The following USP37 variants were observed in gnomAD, a reference collection of about 807,000 sequenced individuals.
USP37 encodes ubiquitin specific peptidase 37.
Under a neutral mutation model 124.0 loss-of-function variants are expected in USP37, and 27 were observed. The observed-to-expected ratio is 0.22, with a 90% CI of 0.16 to 0.30. USP37 has a LOEUF of 0.30. USP37 is among the 10% of genes least tolerant of loss of function. USP37 has a pLI of 1.00. For missense variants in USP37, 889 were observed against 1,140.4 expected, an observed-to-expected ratio of 0.78 and a Z score of 3.17; for synonymous variants, 365 against 388.0, an observed-to-expected ratio of 0.94 and a Z score of 0.70.
rs749987768 is a variant in USP37 at position 218,498,192 on chromosome 2, C to T, written c.1026-35G>A. 9.0e-6 allele frequency: 14 copies of T among 1,552,946 alleles called. No homozygotes were observed. In the African/African-American group the frequency reaches 1.1e-4, roughly 12 times the overall value. ...AAAGAAATAGTGCTTTAGAAGGCAA[C>T]AGGAATTCCTAAAGTATGTTCAGTA... On this transcript the variant is annotated intron_variant, in intron 11 of 25. Coordinates refer to ENST00000258399, the MANE Select transcript of USP37 (RefSeq NM_020935.3).
chr2:218,514,978 G>A (rs1361553361), intron 10 of USP37, among the ~76,000 whole-genome samples: 1 of 152,086 alleles, frequency 6.6e-6, no homozygotes, highest in East Asian at 1.9e-4. Context: ...GTTGGCTCCT[G>A]TGTCTTTCGG....
At chr2:218,537,466 C>T (rs910456274) in intron 8 of USP37, among the ~76,000 whole-genome samples, 2 of 152,208 alleles carry the variant, frequency 1.3e-5, no homozygotes, top group Non-Finnish European at 2.9e-5. Flanking sequence ...AAACTCTAGC[C>T]AAACCATCTA....
chr2:218,551,595 T>C (rs912145598), intron 5 of USP37, among the ~76,000 whole-genome samples: 8 of 152,264 alleles, frequency 5.3e-5, no homozygotes, highest in Non-Finnish European at 1.2e-4. Context: ...TTTTTCATTA[T>C]GCTATGTTGT....
chr2:218,528,803 GAAAAAAAAAAAAAAAAAA>G (rs58650311), intron 10 of USP37: 498 of 29,680 alleles, frequency 0.017, 3 homozygotes, highest in Middle Eastern at 0.058. Flanking sequence ...CAATAAATCT[GAAAAAAAAAAAAAAAAAA>G]AAAAAAAAAA....
In USP37 at chr2:218,459,815, G is replaced by A. The variant is rs1689908201; in HGVS notation, c.2618C>T (p.Ala873Val). 1.2e-6 allele frequency: 2 copies of A among 1,613,666 alleles called. No individual in the cohort carries two copies. The change falls in exon 23 of 26, where the codon GCT (alanine) becomes GTT (valine). Residue 873 changes from alanine to valine, a missense_variant. Transcript: ENST00000258399. The stretch of plus-strand genomic sequence containing the variant: ...CTCAGCATTTCTTTTCAGTTCCTCA[G>A]CTTCAGCTTCTGTGTACTCCATATC... ...VFDMEYTEAE[A>V]EELKRNAETG...
chr2:218,479,627 G>A, intron 18 of USP37, 23 bp downstream of exon 18: 1 of 1,604,798 alleles, frequency 6.2e-7, no homozygotes, highest in Non-Finnish European at 8.5e-7. Context: ...ACAGATTTTG[G>A]GTACATAAGA....
chr2:218,453,274 T>C lies in USP37; in HGVS notation c.*1656A>G, dbSNP rs1559154783. On this transcript the variant is annotated 3_prime_UTR_variant, in exon 26 of 26. Coordinates refer to ENST00000258399, the MANE Select transcript of USP37 (RefSeq NM_020935.3). ...TTTTTTTTGTTTTTGTTTTCGTTTT[T>C]TTTAATGAGATGGAGTCTCACTCTG... is the stretch of plus-strand genomic sequence containing the variant. The C allele has an allele frequency of 6.6e-6, 1 of 152,006 alleles. No homozygotes were observed. The highest frequency in any genetic ancestry group is 6.6e-5 in the Admixed American group (1 of 15,248). 9.4% of individuals were successfully genotyped at this position (152,006 alleles called of 1,614,324 possible).
At chr2:218,548,709 T>C (rs1692509995) in intron 6 of USP37, among the ~76,000 whole-genome samples, 1 of 135,026 alleles carries the variant, frequency 7.4e-6, no homozygotes, top group Non-Finnish European at 1.6e-5. Flanking sequence ...AAATAAAAGT[T>C]TGAAAAATCA....
At chr2:218,526,875 G>A (rs1186978001) in intron 10 of USP37, among the ~76,000 whole-genome samples, 1 of 135,596 alleles carries the variant, frequency 7.4e-6, no homozygotes, top group African/African-American at 2.8e-5. Flanking sequence ...TGCAAGCTCC[G>A]CCTCCCGGGT....
chr2:218,513,895 T>C (rs1690135836), intron 10 of USP37, among the ~76,000 whole-genome samples: 1 of 152,190 alleles, frequency 6.6e-6, no homozygotes, highest in African/African-American at 2.4e-5. Context: ...CGGCAACCTC[T>C]GCCTCCCAGG....
chr2:218,556,503 GTTTTTTTTTTTTTT>G (rs34907421), intron 4 of USP37, among the ~76,000 whole-genome samples: 2 of 53,806 alleles, frequency 3.7e-5, no homozygotes, highest in East Asian at 7.2e-4. Flanking sequence ...GGGTTTTTCT[GTTTTTTTTTTTTTT>G]TTTTTTTTTT....
chr2:218,450,481 T>A lies in USP37; in HGVS notation c.*4449A>T, dbSNP rs1461246690. 6.6e-6 allele frequency: 1 copy of A among 152,602 alleles called. No homozygotes were observed. The highest frequency in any genetic ancestry group is 1.5e-5 in the Non-Finnish European group (1 of 68,034). 9.5% of individuals were successfully genotyped at this position (152,602 alleles called of 1,614,324 possible). On this transcript the variant is annotated 3_prime_UTR_variant, in exon 26 of 26. Coordinates refer to ENST00000258399, the MANE Select transcript of USP37 (RefSeq NM_020935.3). ...ATGTGGCCACAGCTGCCAGAAAACC[T>A]GGTAGTGGCTCAATTAGGCAAAGTG...
In USP37 at chr2:218,488,111, G is replaced by C. The variant is rs533376359; in HGVS notation, c.1590+193C>G. Among the ~76,000 whole-genome samples the C allele has an allele frequency of 2.1e-4, 31 of 148,534 alleles. No homozygotes were observed. The East Asian group carries it at 4.6e-3, about 22-fold the overall frequency. On this transcript the variant is annotated intron_variant, in intron 15 of 25. Coordinates refer to ENST00000258399, the MANE Select transcript of USP37 (RefSeq NM_020935.3). Reference sequence around the variant, plus strand: ...AGGACCGCTTGAAACTGGGGGCAGAGGTTGCAGTGAGCTGAGATTGTGCAA... The same window carrying C: ...AGGACCGCTTGAAACTGGGGGCAGACGTTGCAGTGAGCTGAGATTGTGCAA...
chr2:218,486,789 G>A (rs1008412759), intron 15 of USP37, among the ~76,000 whole-genome samples: 31 of 151,966 alleles, frequency 2.0e-4, no homozygotes, highest in Admixed American at 1.5e-3. Context: ...GCAGTGGCGC[G>A]ATCTCGGCTC....
intron 8 of USP37, among the ~76,000 whole-genome samples, chr2:218,535,606 C>T (rs1377144425): frequency 6.6e-6 from 1 of 151,798 alleles, no homozygotes; most frequent in Admixed American, 6.6e-5. Flanking sequence ...CCTGTAATCC[C>T]AGCACTTTGG....
intron 8 of USP37, among the ~76,000 whole-genome samples, chr2:218,544,430 T>TATATAGAGAGAGAGAGAGAG (rs377397246): frequency 3.9e-5 from 2 of 50,816 alleles, no homozygotes; most frequent in African/African-American, 1.3e-4. Context: ...TATATATATA[T>TATATAGAGAGAGAGAGAGAG]AGAGAGAGAG....
At chr2:218,539,315 T>C (rs1691843241) in intron 8 of USP37, among the ~76,000 whole-genome samples, 1 of 152,178 alleles carries the variant, frequency 6.6e-6, no homozygotes, top group African/African-American at 2.4e-5. Context: ...CTTTTGCAGT[T>C]TGAGGTGCAA....
intron 14 of USP37, 21 bp downstream of exon 14, chr2:218,495,739 C>T (rs1439843054): frequency 1.3e-6 from 2 of 1,572,770 alleles, no homozygotes; most frequent in Non-Finnish European, 1.7e-6. Flanking sequence ...AAAGGGAAAT[C>T]ATTTCTTAGA....
chr2:218,464,638 C>T (rs1690211944), intron 21 of USP37, among the ~76,000 whole-genome samples: 1 of 152,216 alleles, frequency 6.6e-6, no homozygotes, highest in Non-Finnish European at 1.5e-5. Context: ...TTTTTACTAA[C>T]ATGACTTGGA....
Sources: gnomAD v4.1 joint callset for allele counts (sites outside exome capture counted in the v4.1 genomes callset) on GRCh38, gnomAD v4.1.1 for gene constraint, MANE v1.5 for transcripts, NCBI Gene and HGNC (gene_info 2026-07-23, HGNC 2026-07-21) for gene names.